The following XRN1 variants were observed in gnomAD, a reference collection of about 807,000 sequenced individuals.
The protein encoded by XRN1 is strand-exchange protein 1 homolog.
A neutral mutation model predicts 222.3 loss-of-function variants in XRN1; 67 were observed. The ratio of observed to expected loss-of-function variants is 0.30; its 90% CI spans 0.25 to 0.37. The LOEUF (loss-of-function observed/expected upper bound fraction) is 0.37. Ranked by LOEUF, XRN1 falls within the 10% of genes least tolerant of loss-of-function variation. XRN1 has a pLI of 1.00. For synonymous variants in XRN1, 643 were observed against 652.4 expected (o/e 0.99, Z 0.22); for missense variants, 1,707 against 2,000.2 (o/e 0.85, Z 2.80).
intron 29 of XRN1, among the ~76,000 whole-genome samples, chr3:142,360,545 G>A (rs1159108831): frequency 6.6e-6 from 1 of 151,794 alleles, no homozygotes; most frequent in Non-Finnish European, 1.5e-5. Flanking sequence ...TGAGTCTTAG[G>A]GCATGTACTT....
rs911660659 is a variant in XRN1 at position 142,310,271 on chromosome 3, A to G, written c.*1240T>C. 2.0e-5 allele frequency: 3 copies of G among 152,478 alleles called. No individual in the cohort carries two copies. The highest frequency in any genetic ancestry group is 4.4e-5 in the Non-Finnish European group (3 of 68,006). 9.4% of individuals were successfully genotyped at this position (152,478 alleles called of 1,614,324 possible). On this transcript the variant is annotated 3_prime_UTR_variant, in exon 41 of 41. Coordinates refer to ENST00000392981, the MANE Select transcript of XRN1 (RefSeq NM_001282857.2). The stretch of plus-strand genomic sequence containing the variant: ...AAAGATTGTGGTTCCTACTTTTAAA[A>G]AAGTATGCTATAACTTACTTCCTTA...
chr3:142,381,927 C>A (rs1178102069), intron 22 of XRN1, among the ~76,000 whole-genome samples: 1 of 151,900 alleles, frequency 6.6e-6, no homozygotes, highest in Non-Finnish European at 1.5e-5. Context: ...CTTTTAAAAA[C>A]AAAACAAAAC....
intron 2 of XRN1, among the ~76,000 whole-genome samples, chr3:142,428,749 TA>T (rs1462433368): frequency 6.6e-6 from 1 of 152,204 alleles, no homozygotes; most frequent in Non-Finnish European, 1.5e-5. Context: ...CAGACTGTTT[TA>T]AGGGGAAGAT....
intron 1 of XRN1, among the ~76,000 whole-genome samples, chr3:142,433,568 A>G (rs1445120565): frequency 6.6e-6 from 1 of 152,148 alleles, no homozygotes; most frequent in South Asian, 2.1e-4. Context: ...TTGTGTTGGA[A>G]CTCTTGGTCC....
intron 10 of XRN1, chr3:142,420,498 A>G (rs1321210951): frequency 1.3e-5 from 2 of 155,326 alleles, no homozygotes; most frequent in Admixed American, 6.4e-5. Flanking sequence ...CAGCCTCCCA[A>G]GTAGCTGGGA....
chr3:142,404,183 T>C (rs2068253221), intron 16 of XRN1, among the ~76,000 whole-genome samples, 194 bp from the exon 17 acceptor site: 1 of 152,098 alleles, frequency 6.6e-6, no homozygotes, highest in Non-Finnish European at 1.5e-5. Context: ...CAATCATGCC[T>C]GTAGATTACT....
rs776430519 is a variant in XRN1 at position 142,314,904 on chromosome 3, CAAAAAAAAAAA to C, written c.4622-2157_4622-2147del. 9.4e-4 allele frequency among the ~76,000 whole-genome samples: 21 copies of C among 22,304 alleles called. No individual in the cohort carries two copies. The South Asian group carries it at 0.039, about 41-fold the overall frequency. The allele number at this position is 22,304 out of a possible 152,430, so 14.6% of individuals were successfully genotyped here. A position where few individuals can be genotyped will look rare whatever the true frequency, so the allele number is the denominator to read the frequency against. ...TGGGTGACAGAGTGGGACTCTGTCTCAAAAAAAAAAAAAAAAAAAAAAAAAAAAAATCCAAG... is the reference window on the plus strand; with the variant it reads ...TGGGTGACAGAGTGGGACTCTGTCTCAAAAAAAAAAAAAAAAAAATCCAAG... On this transcript the variant is annotated intron_variant, in intron 39 of 40. Coordinates refer to ENST00000392981, the MANE Select transcript of XRN1 (RefSeq NM_001282857.2).
rs962556715 is a variant in XRN1, at chr3:142,365,190, G to A, written c.3262-11C>T. 15 of 1,597,856 alleles carry A rather than the reference G, an allele frequency of 9.4e-6. 1 individual carries two copies. The highest frequency in any genetic ancestry group is 1.3e-5 in the Non-Finnish European group (15 of 1,174,908). On this transcript the variant is annotated splice_polypyrimidine_tract_variant and intron_variant, in intron 28 of 40. Transcript: ENST00000392981. ...TTGCTGTTCTAAAGGCTGAAGAGAA[G>A]AAAGCTATTAATTATAATAAACAAA...
At chr3:142,413,890 T>C (rs567110303) in intron 14 of XRN1, among the ~76,000 whole-genome samples, 1 of 152,268 alleles carries the variant, frequency 6.6e-6, no homozygotes, top group South Asian at 2.1e-4. Flanking sequence ...TGAAAATCTG[T>C]TTAAAGGTGC....
chr3:142,322,726 C>T (rs553744828), intron 37 of XRN1, among the ~76,000 whole-genome samples: 15 of 152,156 alleles, frequency 9.9e-5, no homozygotes, highest in Non-Finnish European at 2.2e-4. Flanking sequence ...AGTTCTAGCC[C>T]AGGCACGGTG....
intron 33 of XRN1, among the ~76,000 whole-genome samples, chr3:142,338,500 C>T (rs567127373): frequency 3.2e-4 from 48 of 152,244 alleles, no homozygotes; most frequent in African/African-American, 1.0e-3. Flanking sequence ...CTGAGACATG[C>T]TGGCTTCATA....
At chr3:142,390,595 G>A (rs2067677659) in intron 20 of XRN1, among the ~76,000 whole-genome samples, 1 of 152,182 alleles carries the variant, frequency 6.6e-6, no homozygotes, top group African/African-American at 2.4e-5. Context: ...GGAATGCTGT[G>A]ACTAGTGTCA....
intron 15 of XRN1, among the ~76,000 whole-genome samples, chr3:142,407,912 G>A (rs779360437): frequency 4.6e-5 from 7 of 152,190 alleles, no homozygotes; most frequent in South Asian, 2.1e-4. Flanking sequence ...GACAAATGCA[G>A]TACTTCAATA....
chr3:142,379,171 T>G (rs1162392241), intron 23 of XRN1, among the ~76,000 whole-genome samples: 1 of 151,914 alleles, frequency 6.6e-6, no homozygotes, highest in Non-Finnish European at 1.5e-5. Flanking sequence ...CTTGGGAGGC[T>G]GAGGCAGGAG....
rs971814104 is a variant in XRN1, at chr3:142,363,239, AT to A, written c.3394+1807del. ...GAAGATGTAAGGTAAGGAGTTGTGGATTTTTTTTTTTTGCATATGGTGTCTA... is the reference window on the plus strand; with the variant it reads ...GAAGATGTAAGGTAAGGAGTTGTGGATTTTTTTTTTTGCATATGGTGTCTA... On this transcript the variant is annotated intron_variant, in intron 29 of 40. Coordinates refer to ENST00000392981, the MANE Select transcript of XRN1 (RefSeq NM_001282857.2). Among the ~76,000 whole-genome samples, 242 of 142,902 alleles carry A rather than the reference AT, an allele frequency of 1.7e-3. 1 individual carries two copies. The highest frequency in any genetic ancestry group is 9.4e-4 in the Non-Finnish European group (61 of 65,016). 93.7% of individuals were successfully genotyped at this position (142,902 alleles called of 152,430 possible).
Position 142,371,242 on chromosome 3 carries a change from T to C in XRN1, c.3065A>G (p.Asn1022Ser), listed in dbSNP as rs755715956. ...EDDIWPGENE[N>S]GAEKVQEIIT... ...AAATATCATAAATCTTGCTTACCCA[T>C]TCTCATTTTCTCCAGGCCAAATGTC... is the stretch of plus-strand genomic sequence containing the variant. The change falls in exon 26 of 41, where the codon AAT (asparagine) becomes AGT (serine). Residue 1022 changes from asparagine to serine, a missense_variant. Physicochemically the swap from Asn to Ser is conservative, Grantham distance 46. Around this residue, in one of 2 missense-constraint regions of XRN1, gnomAD observed 1,234 missense variants for 1,518.2 expected, o/e 0.81. Coordinates refer to ENST00000392981, the MANE Select transcript of XRN1 (RefSeq NM_001282857.2). 2.7e-5 allele frequency: 43 copies of C among 1,612,474 alleles called. No homozygotes were observed. Among genetic ancestry groups the C allele is most frequent in the Non-Finnish European group, 3.6e-5 (42 of 1,179,296 alleles).
At chr3:142,415,098 A>G (rs976705076) in intron 13 of XRN1, among the ~76,000 whole-genome samples, 1 of 152,230 alleles carries the variant, frequency 6.6e-6, no homozygotes. Context: ...AAGAACTTTT[A>G]TCTTTGAATT....
intron 37 of XRN1, among the ~76,000 whole-genome samples, chr3:142,328,932 AT>A (rs2065613002): frequency 6.7e-6 from 1 of 149,804 alleles, no homozygotes; most frequent in South Asian, 2.1e-4. Context: ...TTATTTTTAT[AT>A]TCTTTTGTAG....
At chr3:142,341,610 C>G (rs1385652014) in intron 33 of XRN1, among the ~76,000 whole-genome samples, 1 of 152,090 alleles carries the variant, frequency 6.6e-6, no homozygotes, top group Non-Finnish European at 1.5e-5. Context: ...GAACTAAACT[C>G]TAATCAAAAG....
Sources: gnomAD v4.1 joint callset for allele counts (sites outside exome capture counted in the v4.1 genomes callset) on GRCh38, gnomAD v4.1.1 for gene constraint, gnomAD v4.1.1 regional missense constraint, MANE v1.5 for transcripts, NCBI Gene and HGNC (gene_info 2026-07-23, HGNC 2026-07-21) for gene names.